Variants in VPS8 observed in about 807,000 individuals in gnomAD.
The protein encoded by VPS8 is vacuolar protein sorting-associated protein 8 homolog.
VPS8 carries 129 observed loss-of-function variants against 216.4 expected under a neutral mutation model. That is an observed-to-expected ratio of 0.60 (90% CI 0.52 to 0.69). The LOEUF (loss-of-function observed/expected upper bound fraction) is 0.69. Ranked by LOEUF, VPS8 falls within the 30% of genes least tolerant of loss-of-function variation. The pLI, the probability that VPS8 is intolerant of heterozygous loss-of-function variation, is 0.00. For missense variants in VPS8, 1,531 were observed against 1,683.5 expected (o/e 0.91, Z 1.59); for synonymous variants, 571 against 565.4 (o/e 1.01, Z -0.14).
intron 46 of VPS8, 80 bp downstream of exon 46, chr3:185,024,469 G>A (rs1757079830): frequency 7.1e-7 from 1 of 1,404,038 alleles, no homozygotes; most frequent in Admixed American, 2.0e-5. Context: ...TTCTCAACAT[G>A]GCAATGATTT....
At chr3:184,929,410 A>G (rs1273562673) in intron 32 of VPS8, among the ~76,000 whole-genome samples, 170 bp from the exon 33 acceptor site, 1 of 152,036 alleles carries the variant, frequency 6.6e-6, no homozygotes, top group African/African-American at 2.4e-5. Context: ...GGCTGATCTC[A>G]AACTCCTGGT....
At chr3:184,994,891 C>T (rs921161910) in intron 43 of VPS8, among the ~76,000 whole-genome samples, 1 of 152,088 alleles carries the variant, frequency 6.6e-6, no homozygotes, top group African/African-American at 2.4e-5. Context: ...ACAATCATGG[C>T]GGAAGGTGAA....
At chr3:184,936,464 T>C in intron 35 of VPS8, 129 bp downstream of exon 35, 2 of 859,648 alleles carry the variant, frequency 2.3e-6, no homozygotes, top group Non-Finnish European at 1.8e-6. Context: ...ATTAGGTTGG[T>C]GCAAAAGTGA....
chr3:184,941,598 GT>G (rs1370167162), intron 36 of VPS8, among the ~76,000 whole-genome samples: 1 of 151,978 alleles, frequency 6.6e-6, no homozygotes, highest in Non-Finnish European at 1.5e-5. Context: ...AGACATGAAA[GT>G]AGGGCAGAGG....
intron 1 of VPS8, among the ~76,000 whole-genome samples, chr3:184,814,647 G>T (rs188057556): frequency 6.6e-6 from 1 of 152,214 alleles, no homozygotes; most frequent in Non-Finnish European, 1.5e-5. Flanking sequence ...GTGAACCTGT[G>T]TGGGGCACTT....
intron 45 of VPS8, among the ~76,000 whole-genome samples, chr3:185,023,894 A>G (rs1383321265): frequency 2.0e-5 from 3 of 152,182 alleles, no homozygotes; most frequent in Non-Finnish European, 2.9e-5. Flanking sequence ...TCCTCTTATT[A>G]TGGTTTGGCT....
intron 36 of VPS8, among the ~76,000 whole-genome samples, chr3:184,947,703 A>G (rs901899194): frequency 3.3e-5 from 5 of 152,168 alleles, no homozygotes; most frequent in African/African-American, 4.8e-5. Flanking sequence ...GAAGATTTTT[A>G]TATTTGTTTT....
At chr3:185,010,261 G>A (rs1263811239) in intron 45 of VPS8, among the ~76,000 whole-genome samples, 6 of 152,046 alleles carry the variant, frequency 3.9e-5, no homozygotes, top group East Asian at 1.9e-4. Context: ...TAACCATATC[G>A]CAGAACAGAG....
chr3:184,962,756 TGTGTGTGTG>T (rs1746743355), intron 37 of VPS8, among the ~76,000 whole-genome samples: 1 of 151,042 alleles, frequency 6.6e-6, no homozygotes, highest in South Asian at 2.1e-4. Context: ...TGTGTGTGTG[TGTGTGTGTG>T]TCTTATTTCC....
At chr3:185,003,332 G>C (rs921585368) in intron 45 of VPS8, among the ~76,000 whole-genome samples, 8 of 146,108 alleles carry the variant, frequency 5.5e-5, no homozygotes, top group Non-Finnish European at 1.0e-4. Flanking sequence ...CTGGGTACTT[G>C]AGATTAGGGA....
intron 25 of VPS8, among the ~76,000 whole-genome samples, chr3:184,901,761 G>GTT (rs773587650): frequency 6.6e-6 from 1 of 152,036 alleles, no homozygotes; most frequent in Non-Finnish European, 1.5e-5. Context: ...CTAGCTGTAA[G>GTT]TTTCTTTGTG....
intron 45 of VPS8, among the ~76,000 whole-genome samples, chr3:185,002,578 ACTCTTTTATCCCTTACT>A (rs1312924588): frequency 6.6e-6 from 1 of 151,824 alleles, no homozygotes; most frequent in Non-Finnish European, 1.5e-5. Flanking sequence ...CCCAGTGTGT[ACTCTTTTATCCCTTACT>A]TTGCTCCAGT....
intron 34 of VPS8, 112 bp downstream of exon 34, chr3:184,930,680 G>T (rs1309088591): frequency 1.4e-6 from 1 of 726,062 alleles, no homozygotes; most frequent in African/African-American, 1.8e-5. Context: ...TTAATTTAGG[G>T]TTGAAATCTT....
At chr3:184,994,566 T>C (rs1396336869) in intron 43 of VPS8, among the ~76,000 whole-genome samples, 1 of 152,144 alleles carries the variant, frequency 6.6e-6, no homozygotes. Flanking sequence ...TGCATCTAAT[T>C]CAAATTTAGT....
intron 11 of VPS8, 72 bp downstream of exon 11, chr3:184,852,639 G>A: frequency 6.9e-7 from 1 of 1,439,536 alleles, no homozygotes; most frequent in Non-Finnish European, 9.7e-7. Context: ...AATTGAACAT[G>A]AAGAGGACTA....
chr3:184,824,890 A>T, intron 2 of VPS8, 105 bp downstream of exon 2: 5 of 1,074,620 alleles, frequency 4.7e-6, no homozygotes, highest in Non-Finnish European at 5.4e-6. Context: ...ATGGGTTAAT[A>T]GGAGTCTGTG....
intron 15 of VPS8, 60 bp from the exon 16 acceptor site, chr3:184,862,837 G>T: frequency 6.5e-7 from 1 of 1,539,934 alleles, no homozygotes; most frequent in South Asian, 1.2e-5. Context: ...CTTTCTTCTT[G>T]ACCCAAATGA....
chr3:184,948,253 A>G (rs1490031526), intron 36 of VPS8, among the ~76,000 whole-genome samples: 1 of 150,994 alleles, frequency 6.6e-6, no homozygotes, highest in African/African-American at 2.4e-5. Flanking sequence ...CTTTGTTGGA[A>G]TTTATTATAA....
chr3:184,947,779 T>G (rs2109378264), intron 36 of VPS8, among the ~76,000 whole-genome samples: 1 of 152,324 alleles, frequency 6.6e-6, no homozygotes, highest in East Asian at 1.9e-4. Context: ...GATTGCTGTT[T>G]GCGTCAAAAT....
Sources: gnomAD v4.1 joint callset for allele counts (sites outside exome capture counted in the v4.1 genomes callset) on GRCh38, gnomAD v4.1.1 for gene constraint, MANE v1.5 for transcripts, NCBI Gene and HGNC (gene_info 2026-07-23, HGNC 2026-07-21) for gene names.